IQGAP3: variants seen among roughly 807,000 people sequenced by gnomAD.
IQGAP3 encodes the protein IQ motif containing GTPase activating protein 3.
Under a neutral mutation model 208.2 loss-of-function variants are expected in IQGAP3, and 165 were observed. The observed-to-expected ratio is 0.79, with a 90% CI of 0.70 to 0.90. The LOEUF is 0.90. Ranked by LOEUF, IQGAP3 falls within the 40% of genes least tolerant of loss-of-function variation. The pLI is 0.00. For synonymous variants in IQGAP3, 703 were observed against 803.6 expected, an observed-to-expected ratio of 0.87 and a Z score of 2.12; for missense variants, 1,811 against 2,043.1, an observed-to-expected ratio of 0.89 and a Z score of 2.19.
At position 156,548,499 on chromosome 1, in the gene IQGAP3, C is replaced by G. The variant is rs750813112; in HGVS notation, c.1994-12G>C. Reference sequence around the variant, plus strand: ...GAAAGCTGTGTCTGCTAAGCAGAAACCAAGCAAGCAGAAAAGGTTCAGAGC... The same window carrying G: ...GAAAGCTGTGTCTGCTAAGCAGAAAGCAAGCAAGCAGAAAAGGTTCAGAGC... On this transcript the variant is annotated splice_polypyrimidine_tract_variant and intron_variant, in intron 17 of 37. Transcript: ENST00000361170. 6.2e-7 allele frequency: 1 copy of G among 1,612,170 alleles called. No homozygotes were observed. Among genetic ancestry groups the G allele is most frequent in the South Asian group, 1.1e-5 (1 of 90,934 alleles).
rs1180858801 is a variant in IQGAP3 at position 156,544,182 on chromosome 1, G to A, written c.2430C>T (p.Tyr810=). 1.9e-6 allele frequency: 3 copies of A among 1,614,148 alleles called. No homozygotes were observed. Among genetic ancestry groups the A allele is most frequent in the Non-Finnish European group, 2.5e-6 (3 of 1,180,028 alleles). ...WARMWAARRQ[Y]LRRLHYFQKN... is the part of the protein sequence containing the mutation. ...TCTGGAAGTAGTGCAGACGCCTCAG[G>A]TATTGCCTCCGAGCTGCCCACATCC... is the stretch of plus-strand genomic sequence containing the variant. Residue 810 remains tyrosine (Y), a synonymous_variant, in exon 21 of 38, where the codon TAC becomes TAT. Transcript: ENST00000361170.
In IQGAP3 at chr1:156,539,479, T is replaced by C; in HGVS notation, c.2951A>G (p.Lys984Arg). ...GCTGAAAATCACTGCCTCCATGAACTTGGTGGTTTTGTTCTGTGGCATCTG... is the reference window on the plus strand; with the variant it reads ...GCTGAAAATCACTGCCTCCATGAACCTGGTGGTTTTGTTCTGTGGCATCTG... ...IFQMPQNKTT[K>R]FMEAVIFSLY... The change falls in exon 25 of 38, where the codon AAG becomes AGG. Residue 984 changes from lysine (K) to arginine (R), a missense_variant. Lys to Arg is a conservative substitution (Grantham distance 26). Transcript: ENST00000361170. The C allele has an allele frequency of 6.2e-7, 1 of 1,614,128 alleles. No homozygotes were observed. Among genetic ancestry groups the C allele is most frequent in the Non-Finnish European group, 8.5e-7 (1 of 1,179,990 alleles).
intron 2 of IQGAP3, among the ~76,000 whole-genome samples, chr1:156,567,710 C>T (rs1398844570): frequency 2.8e-4 from 3 of 10,596 alleles, no homozygotes; most frequent in African/African-American, 3.0e-4. Flanking sequence ...CCCCATCCTC[C>T]TGACTCCTTT....
intron 16 of IQGAP3, 99 bp from the exon 17 acceptor site, chr1:156,548,847 C>T (rs1411201912): frequency 1.1e-5 from 13 of 1,209,336 alleles, no homozygotes; most frequent in Non-Finnish European, 1.4e-5. Flanking sequence ...AAAGAGGACA[C>T]AAAATCACCC....
At chr1:156,562,332 C>A (rs574698612) in intron 9 of IQGAP3, among the ~76,000 whole-genome samples, 1 of 152,104 alleles carries the variant, frequency 6.6e-6, no homozygotes, top group Non-Finnish European at 1.5e-5. Flanking sequence ...CAACTGCCCC[C>A]CCGGCATCAA....
In IQGAP3 at chr1:156,539,940, C is replaced by G. The variant is rs773243107; in HGVS notation, c.2790G>C (p.Leu930=). 3 of 1,614,144 alleles carry G rather than the reference C, an allele frequency of 1.9e-6. No homozygotes were observed. The highest frequency in any genetic ancestry group is 2.5e-6 in the Non-Finnish European group (3 of 1,180,016). Residue 930 remains leucine (L), a synonymous_variant, in exon 24 of 38, where the codon CTG becomes CTC. Transcript: ENST00000361170. ...GCTTGTCCAGAACCATCATATCTGA[C>G]AGCTGTTCCTTATTCCTCTTGGTCA... The part of the protein sequence containing the change: ...KKLTKRNKEQ[L]SDMMVLDKQK...
At chr1:156,529,110 G>A in intron 34 of IQGAP3, 28 bp from the exon 35 acceptor site, 2 of 1,610,894 alleles carry the variant, frequency 1.2e-6, no homozygotes, top group Middle Eastern at 1.7e-4. Context: ...ATGGAGGGAT[G>A]AGTGGTCCTT....
rs770089295 is a variant in IQGAP3 at position 156,534,022 on chromosome 1, A to T, written c.3860T>A (p.Val1287Asp). The change falls in exon 30 of 38, where the codon GTC becomes GAC. Residue 1287 changes from valine to aspartate, a missense_variant. Val to Asp is a radical substitution (Grantham distance 152). Coordinates refer to ENST00000361170, the MANE Select transcript of IQGAP3 (RefSeq NM_178229.5). ...TCAGCCCCTCACCCTGTGCGTGTTG[A>T]CCAGCTCCCCCACGGTGATGTACAC... ...PMVYITVGEL[V>D]NTHRLLLEHQ... The T allele has an allele frequency of 6.2e-7, 1 of 1,613,636 alleles. No homozygotes were observed. The highest frequency in any genetic ancestry group is 8.5e-7 in the Non-Finnish European group (1 of 1,180,004).
chr1:156,548,693 C>G lies in IQGAP3; in HGVS notation c.1881G>C (p.Gln627His). Residue 627 changes from glutamine to histidine, a missense_variant, in exon 17 of 38, where the codon CAG (glutamine) becomes CAC (histidine). By Grantham distance (24) the Gln-to-His change is conservative. Coordinates refer to ENST00000361170, the MANE Select transcript of IQGAP3 (RefSeq NM_178229.5). ...CGGGGTTCCTCAACACCCGCTCAGT[C>G]TGGGCTGCCTTGCCCTCCTTGATGG... is the stretch of plus-strand genomic sequence containing the variant. ...NQAIKEGKAA[Q>H]TERVLRNPAV... The G allele has an allele frequency of 6.2e-7, 1 of 1,609,486 alleles. No individual in the cohort carries two copies. The highest frequency in any genetic ancestry group is 8.5e-7 in the Non-Finnish European group (1 of 1,177,174).
chr1:156,541,543 T>C (rs1035385736), intron 22 of IQGAP3, among the ~76,000 whole-genome samples: 1 of 152,094 alleles, frequency 6.6e-6, no homozygotes, highest in African/African-American at 2.4e-5. Flanking sequence ...AACTAATACA[T>C]AGAATGTTTA....
chr1:156,548,573 G>A lies in IQGAP3; in HGVS notation c.1993+8C>T, dbSNP rs377595030. On this transcript the variant is annotated splice_region_variant and intron_variant, in intron 17 of 37. Coordinates refer to ENST00000361170, the MANE Select transcript of IQGAP3 (RefSeq NM_178229.5). ...CAGCGAAGAGGAGGGTCAGGTTGGG[G>A]CCATTACCTGGACGCTGTTTCTTTG... 27 of 1,599,052 alleles carry A rather than the reference G, an allele frequency of 1.7e-5. No individual in the cohort carries two copies. The African/African-American group carries it at 3.5e-4, about 21-fold the overall frequency.
In IQGAP3 at chr1:156,560,921, G is replaced by A. The variant is rs369872843; in HGVS notation, c.1129+13C>T. 8.5e-5 allele frequency: 136 copies of A among 1,592,524 alleles called. No homozygotes were observed. The highest frequency in any genetic ancestry group is 1.2e-4 in the Non-Finnish European group (134 of 1,160,762). ...TACGCACAGAGCAGGCCTCAGACCT[G>A]CAGATGACTTACTGGCTTGTTCCTG... On this transcript the variant is annotated intron_variant, in intron 11 of 37. Coordinates refer to ENST00000361170, the MANE Select transcript of IQGAP3 (RefSeq NM_178229.5).
At chr1:156,542,400 C>T (rs755383444) in intron 22 of IQGAP3, among the ~76,000 whole-genome samples, 11 of 151,838 alleles carry the variant, frequency 7.2e-5, no homozygotes, top group Non-Finnish European at 4.4e-5. Flanking sequence ...ATGTTGGCCA[C>T]GCTGGTCTTA....
intron 9 of IQGAP3, 32 bp downstream of exon 9, chr1:156,562,555 C>A (rs1206577264): frequency 6.3e-7 from 1 of 1,578,860 alleles, no homozygotes; most frequent in Non-Finnish European, 8.7e-7. Context: ...CCTGAGGTCA[C>A]CCCCAAACCA....
At position 156,538,308 on chromosome 1, in the gene IQGAP3, C is replaced by G. The variant is rs987261454; in HGVS notation, c.3281+501G>C. On this transcript the variant is annotated intron_variant, in intron 26 of 37. Coordinates refer to ENST00000361170, the MANE Select transcript of IQGAP3 (RefSeq NM_178229.5). ...ATCTCCTGACCTCGTGATCCGCCTG[C>G]CTCGGTCTCCCAAAGTGCTGGGATT... Among the ~76,000 whole-genome samples, 7 of 152,368 alleles carry G rather than the reference C, an allele frequency of 4.6e-5. No individual in the cohort carries two copies. In the South Asian group the frequency reaches 1.4e-3, roughly 32 times the overall value.
intron 22 of IQGAP3, among the ~76,000 whole-genome samples, chr1:156,541,661 A>T (rs550844705): frequency 4.6e-5 from 7 of 152,322 alleles, no homozygotes; most frequent in African/African-American, 1.7e-4. Flanking sequence ...GACTCAGAGA[A>T]GGTAAGCAAC....
At chr1:156,532,447 G>A (rs148156935) in intron 32 of IQGAP3, among the ~76,000 whole-genome samples, 2,069 of 151,008 alleles carry the variant, frequency 0.014, 117 homozygotes, top group Admixed American at 0.098. Context: ...ACTGGCTGTG[G>A]AACTTTGGAT....
chr1:156,560,552 A>G (rs550502288), intron 11 of IQGAP3, among the ~76,000 whole-genome samples: 84 of 152,354 alleles, frequency 5.5e-4, no homozygotes, highest in African/African-American at 2.0e-3. Context: ...ACATTTGTAT[A>G]TAATGTTTTT....
At position 156,538,889 on chromosome 1, in the gene IQGAP3, T is replaced by C. The variant is rs770177045; in HGVS notation, c.3201A>G (p.Lys1067=). 8 of 1,614,162 alleles carry C rather than the reference T, an allele frequency of 5.0e-6. No homozygotes were observed. The highest frequency in any genetic ancestry group is 6.8e-6 in the Non-Finnish European group (8 of 1,180,024). The change falls in exon 26 of 38, where the codon AAA becomes AAG. Residue 1067 remains lysine (K), a synonymous_variant. Coordinates refer to ENST00000361170, the MANE Select transcript of IQGAP3 (RefSeq NM_178229.5). ...GKVIQDVLED[K]VLSVHTDPVH... ...CAGGGTCTGTGTGGACGCTGAGCAC[T>C]TTGTCTTCTAGCACATCCTGGATAA...
Sources: allele counts gnomAD v4.1 joint callset (sites outside exome capture counted in the v4.1 genomes callset), GRCh38; gene constraint gnomAD v4.1.1; transcripts MANE v1.5; gene names NCBI Gene and HGNC (gene_info 2026-07-23, HGNC 2026-07-21).